CMC2: variants seen among roughly 807,000 people sequenced by gnomAD.
CMC2 encodes the protein COX assembly mitochondrial protein 2 homolog.
In CMC2, 5 loss-of-function variants were observed where a neutral mutation model predicts 7.5. That is an observed-to-expected ratio of 0.66 (90% CI 0.35 to 1.40). CMC2 has a LOEUF of 1.40. CMC2 is among the 40% of genes most tolerant of loss of function. The pLI is 0.04. For synonymous variants in CMC2, 37 were observed against 31.4 expected, an observed-to-expected ratio of 1.18 and a Z score of -0.60; for missense variants, 115 against 92.3, an observed-to-expected ratio of 1.25 and a Z score of -1.01.
At chr16:80,985,918 A>AAAAAC (rs71143664) in intron 2 of CMC2, among the ~76,000 whole-genome samples, 1 of 148,906 alleles carries the variant, frequency 6.7e-6, no homozygotes, top group Admixed American at 6.7e-5. Context: ...AAAAAAAAAA[A>AAAAAC]CCACAGGAAT....
At position 80,969,966 on chromosome 16, in the gene CMC2, G is replaced by A. The variant is rs1456185755; in HGVS notation, c.*6127C>T. On this transcript the variant is annotated 3_prime_UTR_variant, in exon 4 of 4. Transcript: ENST00000219400. The stretch of plus-strand genomic sequence containing the variant: ...GGAATCTGCTGGAAAATGAGGCTCA[G>A]ACAACCAAAATGACTAGGGAGATAT... The A allele has an allele frequency of 6.6e-6, 1 of 152,186 alleles. No homozygotes were observed. The highest frequency in any genetic ancestry group is 1.5e-5 in the Non-Finnish European group (1 of 68,032). The allele number at this position is 152,186 out of a possible 1,614,324, so 9.4% of individuals were successfully genotyped here. A position where few individuals can be genotyped will look rare whatever the true frequency, so the allele number is the denominator to read the frequency against.
intron 1 of CMC2, among the ~76,000 whole-genome samples, chr16:81,000,523 T>A (rs571358223): frequency 2.8e-4 from 42 of 150,700 alleles, no homozygotes; most frequent in East Asian, 1.6e-3. Context: ...AAACAAATTT[T>A]AAAAAAAAGT....
intron 2 of CMC2, chr16:80,996,944 C>G (rs34075739): frequency 0.012 from 5,231 of 423,644 alleles, 89 homozygotes; most frequent in East Asian, 0.052. Context: ...GAATGGTAGC[C>G]ATCAAAGAGC....
intron 1 of CMC2, among the ~76,000 whole-genome samples, chr16:81,000,971 T>C (rs1968820561): frequency 6.6e-6 from 1 of 152,110 alleles, no homozygotes; most frequent in Non-Finnish European, 1.5e-5. Flanking sequence ...ATGGATTGGA[T>C]AAAGAAAATA....
At chr16:80,994,132 C>G (rs1231651729) in intron 2 of CMC2, among the ~76,000 whole-genome samples, 1 of 152,154 alleles carries the variant, frequency 6.6e-6, no homozygotes, top group African/African-American at 2.4e-5. Context: ...GTTGAGACAA[C>G]TGGCTACCCA....
chr16:81,006,765 C>A lies in CMC2; in HGVS notation c.-67G>T. On this transcript the variant is annotated 5_prime_UTR_variant, in exon 1 of 4. Transcript: ENST00000219400. Reference sequence around the variant, plus strand: ...CGTGGCCACACCGGGAGAACTGAAGCGGCAGTAGCCGGCGGAGACGCCCGA... The same window carrying A: ...CGTGGCCACACCGGGAGAACTGAAGAGGCAGTAGCCGGCGGAGACGCCCGA... 1 of 985,690 alleles carries A rather than the reference C, an allele frequency of 1.0e-6. No homozygotes were observed. Among genetic ancestry groups the A allele is most frequent in the Non-Finnish European group, 1.2e-6 (1 of 830,150 alleles). 61.1% of individuals were successfully genotyped at this position (985,690 alleles called of 1,614,324 possible). A position where few individuals can be genotyped will look rare whatever the true frequency, so the allele number is the denominator to read the frequency against.
chr16:80,980,564 T>C (rs1158705125), intron 3 of CMC2, among the ~76,000 whole-genome samples: 1 of 91,934 alleles, frequency 1.1e-5, no homozygotes, highest in African/African-American at 4.4e-5. Flanking sequence ...CTTTTTCATA[T>C]AAAGGACAAA....
At chr16:80,993,040 T>C (rs921828307) in intron 2 of CMC2, among the ~76,000 whole-genome samples, 11 of 152,214 alleles carry the variant, frequency 7.2e-5, no homozygotes, top group Non-Finnish European at 1.6e-4. Context: ...TCTTAGTGTT[T>C]GTATCGTTTC....
At chr16:81,005,250 G>T (rs1038672539) in intron 1 of CMC2, among the ~76,000 whole-genome samples, 1 of 152,052 alleles carries the variant, frequency 6.6e-6, no homozygotes, top group Admixed American at 6.6e-5. Context: ...GTGAATCCCC[G>T]TCTCTACTAA....
chr16:80,981,522 G>C (rs761202833), intron 3 of CMC2, among the ~76,000 whole-genome samples: 61 of 152,192 alleles, frequency 4.0e-4, no homozygotes, highest in Non-Finnish European at 8.1e-4. Context: ...CTGCCGGCCA[G>C]AGATACAACT....
At chr16:81,003,979 T>G (rs1312650401) in intron 1 of CMC2, among the ~76,000 whole-genome samples, 4 of 152,218 alleles carry the variant, frequency 2.6e-5, no homozygotes, top group African/African-American at 9.7e-5. Flanking sequence ...TCTCAGAACT[T>G]TGGCAGGCCG....
In CMC2 at chr16:80,993,507, CAT is replaced by C. The variant is rs561511391; in HGVS notation, c.81+3805_81+3806del. Reference sequence around the variant, plus strand: ...AGTCACTGACTGAGTATTCACTACACATGTATTGGGTGACTTTCACAATGCCA... The same window carrying C: ...AGTCACTGACTGAGTATTCACTACACGTATTGGGTGACTTTCACAATGCCA... On this transcript the variant is annotated intron_variant, in intron 2 of 3. Transcript: ENST00000219400. Among the ~76,000 whole-genome samples, 296 of 152,296 alleles carry C rather than the reference CAT, an allele frequency of 1.9e-3. 2 individuals carry two copies. The highest frequency in any genetic ancestry group is 6.4e-3 in the African/African-American group (266 of 41,554).
At chr16:81,006,020 TAAAGG>T (rs1055256119) in intron 1 of CMC2, among the ~76,000 whole-genome samples, 4 of 152,142 alleles carry the variant, frequency 2.6e-5, no homozygotes, top group African/African-American at 9.7e-5. Flanking sequence ...GCCATACATA[TAAAGG>T]AGAGGAGATA....
At chr16:80,989,054 T>C (rs1288735835) in intron 2 of CMC2, among the ~76,000 whole-genome samples, 2 of 152,166 alleles carry the variant, frequency 1.3e-5, no homozygotes, top group Non-Finnish European at 2.9e-5. Context: ...ACATGGCAAT[T>C]TGTCCCATTA....
intron 1 of CMC2, among the ~76,000 whole-genome samples, chr16:80,999,989 C>T (rs1261015724): frequency 6.6e-6 from 1 of 152,036 alleles, no homozygotes; most frequent in African/African-American, 2.4e-5. Context: ...CATTCACCTT[C>T]GGAAGAGAAT....
chr16:80,973,643 G>C lies in CMC2; in HGVS notation c.*2450C>G, dbSNP rs1378796352. 1.3e-5 allele frequency: 2 copies of C among 152,178 alleles called. No individual in the cohort carries two copies. The highest frequency in any genetic ancestry group is 4.8e-5 in the African/African-American group (2 of 41,428). The allele number at this position is 152,178 out of a possible 1,614,324, so 9.4% of individuals were successfully genotyped here. On this transcript the variant is annotated 3_prime_UTR_variant, in exon 4 of 4. Coordinates refer to ENST00000219400, the MANE Select transcript of CMC2 (RefSeq NM_020188.5). Reference sequence around the variant, plus strand: ...GCAAGTTCCCTGAGGTGATGTCCAAGGCCTGTGTGTTCTGGCCCTGCCCAC... The same window carrying C: ...GCAAGTTCCCTGAGGTGATGTCCAACGCCTGTGTGTTCTGGCCCTGCCCAC...
rs34844332 is a variant in CMC2, at chr16:80,975,623, A to AT, written c.*469dup. 0.36 allele frequency: 54,418 copies of AT among 152,262 alleles called. 11,913 individuals are homozygous for AT. The highest frequency in any genetic ancestry group is 0.62 in the African/African-American group (25,555 of 41,284). The allele number at this position is 152,262 out of a possible 1,614,324, so 9.4% of individuals were successfully genotyped here. On this transcript the variant is annotated 3_prime_UTR_variant, in exon 4 of 4. Transcript: ENST00000219400. ...AGTAACACTATGTCTCAAAAAAAAA[A>AT]TTTTTTTTAATCATTTAGAAAATCA...
intron 1 of CMC2, chr16:80,998,266 A>G (rs987534944): frequency 5.3e-5 from 8 of 152,146 alleles, no homozygotes; most frequent in African/African-American, 1.9e-4. Flanking sequence ...AATGATTACC[A>G]AAAGAAAGAA....
intron 2 of CMC2, among the ~76,000 whole-genome samples, chr16:80,988,015 GAA>G (rs1479318550): frequency 7.1e-6 from 1 of 140,778 alleles, no homozygotes; most frequent in African/African-American, 2.6e-5. Context: ...TCTCTAGGAG[GAA>G]AAAAAAAAAA....
Sources: allele counts gnomAD v4.1 joint callset (sites outside exome capture counted in the v4.1 genomes callset), GRCh38; gene constraint gnomAD v4.1.1; transcripts MANE v1.5; gene names NCBI Gene and HGNC (gene_info 2026-07-23, HGNC 2026-07-21).